Variants in IL2RA observed in about 807,000 individuals in gnomAD.
IL2RA encodes the protein interleukin 2 receptor subunit alpha, also known as interleukin-2 receptor subunit alpha.
IL2RA carries 24 observed loss-of-function variants against 37.8 expected under a neutral mutation model. The ratio of observed to expected loss-of-function variants is 0.63; its 90% CI spans 0.46 to 0.89. The LOEUF (loss-of-function observed/expected upper bound fraction) is 0.89. IL2RA is among the 40% of genes least tolerant of loss of function. IL2RA has a pLI of 0.00. For synonymous variants in IL2RA, 125 were observed against 114.6 expected (o/e 1.09, Z -0.58); for missense variants, 319 against 348.6 (o/e 0.92, Z 0.68).
At chr10:6,053,280 A>G (rs575329085) in intron 1 of IL2RA, among the ~76,000 whole-genome samples, 1 of 152,320 alleles carries the variant, frequency 6.6e-6, no homozygotes, top group South Asian at 2.1e-4. Context: ...CTGTAAGCCC[A>G]TTTAACCACA....
chr10:6,050,360 G>A (rs1297868506), intron 1 of IL2RA, among the ~76,000 whole-genome samples: 2 of 152,194 alleles, frequency 1.3e-5, no homozygotes, highest in East Asian at 3.8e-4. Context: ...ATGGTGGCAG[G>A]GCGTGGTGGC....
chr10:6,062,188 G>A lies in IL2RA; in HGVS notation c.-37C>T, dbSNP rs772713585. The A allele has an allele frequency of 7.6e-6, 12 of 1,581,516 alleles. No individual in the cohort carries two copies. Among genetic ancestry groups the A allele is most frequent in the East Asian group, 2.2e-5 (1 of 44,658 alleles). On this transcript the variant is annotated 5_prime_UTR_variant, in exon 1 of 8. Transcript: ENST00000379959. ...TTGGGACCAGCCGGGGCAGTGAAGC[G>A]GAGGTCTTTCTCTGCAGAAGGCCCA...
In IL2RA at chr10:6,021,973, G is replaced by C. The variant is rs1196427887; in HGVS notation, c.368-280C>G. ...AGACGTTGGCAATGGGAACACAGAG[G>C]AATGAGCGATTCATTCTGGTTGGTG... On this transcript the variant is annotated intron_variant, in intron 3 of 7. Coordinates refer to ENST00000379959, the MANE Select transcript of IL2RA (RefSeq NM_000417.3). This position sits in a 1 kb window ranked among gnomAD's most constrained non-coding sequence, Gnocchi z 4.9. 6.6e-6 allele frequency among the ~76,000 whole-genome samples: 1 copy of C among 152,132 alleles called. No individual in the cohort carries two copies. Among genetic ancestry groups the C allele is most frequent in the Non-Finnish European group, 1.5e-5 (1 of 68,030 alleles).
At position 6,024,391 on chromosome 10, in the gene IL2RA, C is replaced by G; in HGVS notation, c.257-37G>C. The G allele has an allele frequency of 2.1e-6, 3 of 1,410,886 alleles. No homozygotes were observed. The East Asian group carries it at 6.8e-5, about 32-fold the overall frequency. 87.4% of individuals were successfully genotyped at this position (1,410,886 alleles called of 1,614,324 possible). On this transcript the variant is annotated intron_variant, in intron 2 of 7. Transcript: ENST00000379959. ...AGATGGAATGATGCAGATAATTTCA[C>G]AAATGCTTCATAGAAAACACTGTTC...
chr10:6,037,242 C>A (rs1034912104), intron 1 of IL2RA, among the ~76,000 whole-genome samples: 11 of 152,238 alleles, frequency 7.2e-5, no homozygotes, highest in African/African-American at 2.4e-4. Flanking sequence ...GGTTGAGTAA[C>A]TTTTTGTCGT....
At chr10:6,017,734 C>T (rs1249890458) in intron 7 of IL2RA, among the ~76,000 whole-genome samples, 4 of 152,032 alleles carry the variant, frequency 2.6e-5, no homozygotes, top group African/African-American at 9.7e-5. Context: ...TGCCACCATG[C>T]CCAACTGATT....
chr10:6,012,929 T>G lies in IL2RA; in HGVS notation c.795-33A>C, dbSNP rs758129175. 6.2e-7 allele frequency: 1 copy of G among 1,610,938 alleles called. No individual in the cohort carries two copies. The highest frequency in any genetic ancestry group is 1.1e-5 in the South Asian group (1 of 90,968). On this transcript the variant is annotated intron_variant, in intron 7 of 7. Coordinates refer to ENST00000379959, the MANE Select transcript of IL2RA (RefSeq NM_000417.3). This position sits in a 1 kb window ranked among gnomAD's most constrained non-coding sequence, Gnocchi z 4.8. ...GGTGTAACAAAGTCACGGTCATATG[T>G]GTAACACGGCACCAAAAAAATGTGG... is the stretch of plus-strand genomic sequence containing the variant.
chr10:6,051,499 A>G (rs1839955612), intron 1 of IL2RA, among the ~76,000 whole-genome samples: 1 of 52,440 alleles, frequency 1.9e-5, no homozygotes, highest in Non-Finnish European at 4.0e-5. Context: ...ACACAAATAT[A>G]TATATATATA....
In IL2RA at chr10:6,048,651, A is replaced by C. The variant is rs964105155; in HGVS notation, c.64+13437T>G. On this transcript the variant is annotated intron_variant, in intron 1 of 7. Transcript: ENST00000379959. This position sits in a 1 kb window ranked among gnomAD's most constrained non-coding sequence, Gnocchi z 5.3. ...TAAAACCCTACCCTCATGGACTTCCATGGAGGTTACTCAATGCCCTATGGG... is the reference window on the plus strand; with the variant it reads ...TAAAACCCTACCCTCATGGACTTCCCTGGAGGTTACTCAATGCCCTATGGG... Among the ~76,000 whole-genome samples the C allele has an allele frequency of 1.3e-5, 2 of 152,214 alleles. No homozygotes were observed. Among genetic ancestry groups the C allele is most frequent in the African/African-American group, 4.8e-5 (2 of 41,444 alleles).
At position 6,058,561 on chromosome 10, in the gene IL2RA, CAT is replaced by C. The variant is rs1840082013; in HGVS notation, c.64+3525_64+3526del. Among the ~76,000 whole-genome samples, 2 of 152,194 alleles carry C rather than the reference CAT, an allele frequency of 1.3e-5. No homozygotes were observed. The highest frequency in any genetic ancestry group is 4.8e-5 in the African/African-American group (2 of 41,458). ...GAAAGATTAAATGTGAAGGGTTAAACATTTTGTGTTTGACTGACAAAGGTGAA... is the reference window on the plus strand; with the variant it reads ...GAAAGATTAAATGTGAAGGGTTAAACTTTGTGTTTGACTGACAAAGGTGAA... On this transcript the variant is annotated intron_variant, in intron 1 of 7. Coordinates refer to ENST00000379959, the MANE Select transcript of IL2RA (RefSeq NM_000417.3). This position sits in a 1 kb window ranked among gnomAD's most constrained non-coding sequence, Gnocchi z 4.2.
chr10:6,024,111 C>T, intron 3 of IL2RA, 133 bp downstream of exon 3: 1 of 712,426 alleles, frequency 1.4e-6, no homozygotes, highest in Non-Finnish European at 2.6e-6. Flanking sequence ...GCAATGATGT[C>T]TTGGGAGGAC....
chr10:6,032,255 C>G (rs1469049272), intron 1 of IL2RA, among the ~76,000 whole-genome samples: 1 of 151,676 alleles, frequency 6.6e-6, no homozygotes, highest in Non-Finnish European at 1.5e-5. Context: ...CCATAAAAGG[C>G]AAAACTAAAA....
At position 6,022,196 on chromosome 10, in the gene IL2RA, T is replaced by C. The variant is rs1447215587; in HGVS notation, c.368-503A>G. ...CATTCTTGGGGGCAGCGGCTGGGCATCTTGGGATGATGTCGGAAGGATTGG... is the reference window on the plus strand; with the variant it reads ...CATTCTTGGGGGCAGCGGCTGGGCACCTTGGGATGATGTCGGAAGGATTGG... On this transcript the variant is annotated intron_variant, in intron 3 of 7. Coordinates refer to ENST00000379959, the MANE Select transcript of IL2RA (RefSeq NM_000417.3). The surrounding 1 kb of genome is among the most constrained non-coding windows in gnomAD (Gnocchi z 4.7). 6.6e-6 allele frequency among the ~76,000 whole-genome samples: 1 copy of C among 151,996 alleles called. No individual in the cohort carries two copies. Among genetic ancestry groups the C allele is most frequent in the African/African-American group, 2.4e-5 (1 of 41,366 alleles).
At chr10:6,023,167 C>A (rs778032397) in intron 3 of IL2RA, among the ~76,000 whole-genome samples, 3 of 152,126 alleles carry the variant, frequency 2.0e-5, no homozygotes, top group Admixed American at 6.6e-5. Context: ...TTGAAGTAAC[C>A]CTTCCTGGTC....
chr10:6,062,232 TTGGCA>T lies in IL2RA; in HGVS notation c.-86_-82del. On this transcript the variant is annotated 5_prime_UTR_variant, in exon 1 of 8. The change abolishes an upstream ATG in the 5' untranslated region. Transcript: ENST00000379959. ...AGGCCCAGTTGCCGTCAGCCTCTTTTTGGCATCGCGCCGGAGGATGTGGGATGGGA... is the reference window on the plus strand; with the variant it reads ...AGGCCCAGTTGCCGTCAGCCTCTTTTTCGCGCCGGAGGATGTGGGATGGGA... The T allele has an allele frequency of 2.4e-6, 3 of 1,232,026 alleles. No homozygotes were observed. Among genetic ancestry groups the T allele is most frequent in the Non-Finnish European group, 3.6e-6 (3 of 834,916 alleles). The allele number at this position is 1,232,026 out of a possible 1,614,324, so 76.3% of individuals were successfully genotyped here.
At chr10:6,042,457 A>G (rs1159800042) in intron 1 of IL2RA, among the ~76,000 whole-genome samples, 1 of 152,168 alleles carries the variant, frequency 6.6e-6, no homozygotes, top group Non-Finnish European at 1.5e-5. Flanking sequence ...CTTCTATTTA[A>G]TGGTGGAAAC....
Position 6,037,636 on chromosome 10 carries a change from C to T in IL2RA, c.65-11611G>A, listed in dbSNP as rs914830818. Among the ~76,000 whole-genome samples the T allele has an allele frequency of 5.3e-5, 8 of 152,186 alleles. No individual in the cohort carries two copies. In the South Asian group the frequency reaches 1.0e-3, roughly 20 times the overall value. ...GAGGGATCTGGTTCTTGCTCTAACG[C>T]GGTTCATCTTCTGTGTCAGAATCAG... is the stretch of plus-strand genomic sequence containing the variant. On this transcript the variant is annotated intron_variant, in intron 1 of 7. Coordinates refer to ENST00000379959, the MANE Select transcript of IL2RA (RefSeq NM_000417.3).
intron 1 of IL2RA, among the ~76,000 whole-genome samples, chr10:6,037,036 C>T (rs1043977040): frequency 1.4e-4 from 22 of 152,116 alleles, no homozygotes; most frequent in Non-Finnish European, 2.4e-4. Context: ...AGTGAAGCCC[C>T]GGCTGCTCTC....
intron 4 of IL2RA, 30 bp from the exon 5 acceptor site, chr10:6,019,971 A>C: frequency 6.3e-7 from 1 of 1,591,132 alleles, no homozygotes. Context: ...ATGCTGGTGG[A>C]GCTAAACACA....
Sources: gnomAD v4.1 joint callset for allele counts (sites outside exome capture counted in the v4.1 genomes callset) on GRCh38, gnomAD v4.1.1 for gene constraint, Gnocchi (gnomAD v3.1) non-coding constraint, MANE v1.5 for transcripts, NCBI Gene and HGNC (gene_info 2026-07-23, HGNC 2026-07-21) for gene names.